PPM1E: variants seen among roughly 807,000 people sequenced by gnomAD.
PPM1E encodes the protein protein phosphatase 1E.
Under a neutral mutation model 65.9 loss-of-function variants are expected in PPM1E, and 20 were observed. The observed-to-expected ratio is 0.30, with a 90% CI of 0.21 to 0.44. The LOEUF (loss-of-function observed/expected upper bound fraction) is 0.44. PPM1E is among the 20% of genes least tolerant of loss of function. The probability of loss-of-function intolerance (pLI) is 1.00; values close to 1 mark genes in which losing one functional copy is unlikely to be tolerated. For synonymous variants in PPM1E, 352 were observed against 374.9 expected (o/e 0.94, Z 0.70); for missense variants, 713 against 953.1 (o/e 0.75, Z 3.32).
intron 1 of PPM1E, among the ~76,000 whole-genome samples, chr17:58,866,814 C>T (rs553750215): frequency 6.6e-5 from 10 of 152,254 alleles, no homozygotes; most frequent in African/African-American, 2.2e-4. Context: ...CAAAAGATCC[C>T]AAAAGGTGGG....
rs577558425 is a variant in PPM1E at position 58,980,462 on chromosome 17, C to T, written c.1699C>T (p.Pro567Ser). The T allele has an allele frequency of 1.1e-5, 17 of 1,614,104 alleles. No individual in the cohort carries two copies. In the South Asian group the frequency reaches 1.8e-4, roughly 17 times the overall value. Residue 567 changes from proline (P) to serine (S), a missense_variant, in exon 7 of 7, where the codon CCA becomes TCA. Physicochemically the swap from Pro to Ser is moderately conservative, Grantham distance 74 (BLOSUM62 -1). This residue lies in a region of PPM1E where 286 missense variants were observed against 313.8 expected (regional missense o/e 0.91). Coordinates refer to ENST00000308249, the MANE Select transcript of PPM1E (RefSeq NM_014906.5). This position sits in a 1 kb window ranked among gnomAD's most constrained non-coding sequence, Gnocchi z 4.7. ...PGSQINVLEDPGYLDLTQIEA... is the reference protein window; with the variant it reads ...PGSQINVLEDSGYLDLTQIEA... ...GTCCCAAATCAACGTGCTGGAAGAC[C>T]CAGGCTACCTAGATCTCACACAAAT... is the stretch of plus-strand genomic sequence containing the variant.
At chr17:58,843,169 C>T (rs2050736948) in intron 1 of PPM1E, among the ~76,000 whole-genome samples, 3 of 150,926 alleles carry the variant, frequency 2.0e-5, no homozygotes, top group South Asian at 4.2e-4. Flanking sequence ...GCCTGTAGTC[C>T]CAGGCTGGAG....
chr17:58,888,969 G>A (rs2051313751), intron 1 of PPM1E, among the ~76,000 whole-genome samples: 1 of 151,974 alleles, frequency 6.6e-6, no homozygotes, highest in East Asian at 1.9e-4. Flanking sequence ...GGGTCTATGT[G>A]TTCTCTTAGG....
At chr17:58,924,750 C>G (rs1001534355) in intron 1 of PPM1E, among the ~76,000 whole-genome samples, 2 of 149,248 alleles carry the variant, frequency 1.3e-5, no homozygotes, top group Non-Finnish European at 3.0e-5. Flanking sequence ...CCAACTGGCC[C>G]CGGTGTGTGC....
At chr17:58,977,713 T>TCA (rs2031100038) in intron 6 of PPM1E, among the ~76,000 whole-genome samples, 1 of 152,184 alleles carries the variant, frequency 6.6e-6, no homozygotes, top group African/African-American at 2.4e-5. Flanking sequence ...TTCTAGCCTA[T>TCA]TTGAGGATTA....
intron 1 of PPM1E, among the ~76,000 whole-genome samples, chr17:58,938,374 T>C (rs968925443): frequency 2.6e-5 from 4 of 152,102 alleles, no homozygotes; most frequent in African/African-American, 7.2e-5. Flanking sequence ...TCCAACAAGT[T>C]AGTCAAATAG....
intron 1 of PPM1E, among the ~76,000 whole-genome samples, chr17:58,951,749 A>G (rs760285286): frequency 1.8e-4 from 27 of 152,190 alleles, no homozygotes; most frequent in Non-Finnish European, 3.5e-4. Flanking sequence ...TAGGATGCCT[A>G]TGAATAGCCA....
At chr17:58,892,079 G>T (rs549288812) in intron 1 of PPM1E, among the ~76,000 whole-genome samples, 2 of 151,938 alleles carry the variant, frequency 1.3e-5, no homozygotes, top group Admixed American at 6.6e-5. Flanking sequence ...CAAGTGATCT[G>T]CCTGCCTTGG....
chr17:58,783,703 G>T (rs1822546020), intron 1 of PPM1E, among the ~76,000 whole-genome samples: 1 of 151,988 alleles, frequency 6.6e-6, no homozygotes, highest in Non-Finnish European at 1.5e-5. Flanking sequence ...GTATATTTGT[G>T]TAGTGGTTTT....
chr17:58,910,878 A>G (rs2143503209), intron 1 of PPM1E, among the ~76,000 whole-genome samples: 1 of 152,294 alleles, frequency 6.6e-6, no homozygotes, highest in South Asian at 2.1e-4. Flanking sequence ...CTTATTAAGA[A>G]GAAGAGGGTG....
chr17:58,778,919 G>GATAC (rs1158711190), intron 1 of PPM1E, among the ~76,000 whole-genome samples: 15 of 78,754 alleles, frequency 1.9e-4, no homozygotes, highest in African/African-American at 7.1e-4. Context: ...AAATTGAGAT[G>GATAC]ATACATACAT....
intron 1 of PPM1E, among the ~76,000 whole-genome samples, chr17:58,792,424 A>C (rs901164076): frequency 1.2e-4 from 18 of 151,532 alleles, no homozygotes; most frequent in African/African-American, 4.4e-4. Flanking sequence ...CACTGCAATC[A>C]ATGCCTCCTG....
chr17:58,973,414 C>CAA (rs36102576), intron 6 of PPM1E, among the ~76,000 whole-genome samples: 5 of 117,786 alleles, frequency 4.2e-5, no homozygotes, highest in African/African-American at 6.4e-5. Context: ...GAGACTGTCT[C>CAA]AAAAAAAAAA....
At chr17:58,836,702 A>G (rs573490729) in intron 1 of PPM1E, among the ~76,000 whole-genome samples, 3 of 149,656 alleles carry the variant, frequency 2.0e-5, no homozygotes. Flanking sequence ...TGACCTTGTG[A>G]TCTGCCTGCC....
intron 1 of PPM1E, among the ~76,000 whole-genome samples, chr17:58,767,595 A>G (rs1033822249): frequency 2.0e-5 from 3 of 152,022 alleles, no homozygotes; most frequent in African/African-American, 4.8e-5. Context: ...GCTTCACTGG[A>G]TTTTCCAGCA....
intron 1 of PPM1E, among the ~76,000 whole-genome samples, chr17:58,817,780 C>A (rs1306801452): frequency 6.6e-6 from 1 of 151,042 alleles, no homozygotes; most frequent in East Asian, 1.9e-4. Flanking sequence ...GAGACAGAGT[C>A]TTGCTCTGTC....
intron 6 of PPM1E, among the ~76,000 whole-genome samples, chr17:58,979,719 G>A (rs1056335882): frequency 1.3e-5 from 2 of 152,224 alleles, no homozygotes; most frequent in Admixed American, 6.5e-5. Context: ...AGCCAGAGGT[G>A]CAGATTCAGA....
At chr17:58,801,208 G>A (rs979724724) in intron 1 of PPM1E, among the ~76,000 whole-genome samples, 5 of 151,954 alleles carry the variant, frequency 3.3e-5, no homozygotes, top group African/African-American at 7.2e-5. Flanking sequence ...AATCGTATAC[G>A]TTTTCATTGA....
At chr17:58,862,434 C>T (rs2050952223) in intron 1 of PPM1E, among the ~76,000 whole-genome samples, 1 of 152,056 alleles carries the variant, frequency 6.6e-6, no homozygotes, top group South Asian at 2.1e-4. Context: ...AGAGGAACTC[C>T]CCAATTTGAA....
Sources: allele counts gnomAD v4.1 joint callset (sites outside exome capture counted in the v4.1 genomes callset), GRCh38; gene constraint gnomAD v4.1.1; regional missense constraint gnomAD v4.1.1; non-coding constraint Gnocchi (gnomAD v3.1); transcripts MANE v1.5; gene names NCBI Gene and HGNC (gene_info 2026-07-23, HGNC 2026-07-21).